Variants in SCAI observed in about 807,000 individuals in gnomAD.
The protein encoded by SCAI is protein SCAI.
In SCAI, 24 loss-of-function variants were observed where a neutral mutation model predicts 92.2. The observed-to-expected ratio is 0.26, with a 90% CI of 0.19 to 0.37. SCAI has a LOEUF of 0.37. Ranked by LOEUF, SCAI falls within the 10% of genes least tolerant of loss-of-function variation. The pLI, the probability that SCAI is intolerant of heterozygous loss-of-function variation, is 1.00. For missense variants in SCAI, 450 were observed against 736.2 expected (o/e 0.61, Z 4.50); for synonymous variants, 261 against 258.6 (o/e 1.01, Z -0.09).
At chr9:125,006,294 T>C (rs1418942146) in intron 9 of SCAI, among the ~76,000 whole-genome samples, 1 of 151,966 alleles carries the variant, frequency 6.6e-6, no homozygotes, top group Non-Finnish European at 1.5e-5. Context: ...GGTGGGAGGA[T>C]CATTTGAGGC....
chr9:124,954,798 G>A (rs568813013), intron 17 of SCAI, among the ~76,000 whole-genome samples: 3 of 152,052 alleles, frequency 2.0e-5, no homozygotes, highest in Non-Finnish European at 4.4e-5. Context: ...GGATAACCAC[G>A]CATGTGCTTC....
chr9:125,019,532 T>A (rs193022893), intron 7 of SCAI, among the ~76,000 whole-genome samples: 1 of 151,982 alleles, frequency 6.6e-6, no homozygotes, highest in South Asian at 2.1e-4. Flanking sequence ...GGATGCAGTA[T>A]CTCATACCTG....
chr9:125,127,405 ATT>A (rs11399082), intron 2 of SCAI, among the ~76,000 whole-genome samples: 13 of 140,784 alleles, frequency 9.2e-5, no homozygotes, highest in South Asian at 2.3e-4. Context: ...CCAGGGCAGA[ATT>A]TTTTTTTTTT....
chr9:125,121,825 A>G (rs2131250019), intron 2 of SCAI, among the ~76,000 whole-genome samples: 1 of 152,308 alleles, frequency 6.6e-6, no homozygotes, highest in Admixed American at 6.5e-5. Context: ...ACTGCACTCC[A>G]GCCTGGGCAA....
chr9:125,097,171 G>A (rs544117108), intron 2 of SCAI, among the ~76,000 whole-genome samples: 3 of 152,244 alleles, frequency 2.0e-5, no homozygotes, highest in Non-Finnish European at 4.4e-5. Context: ...GGTGGCTCAC[G>A]CCTGTAATCC....
chr9:125,029,726 A>G lies in SCAI; in HGVS notation c.244T>C (p.Tyr82His). Residue 82 changes from tyrosine to histidine, a missense_variant, in exon 4 of 18, where the codon TAT becomes CAT. Tyr to His is a moderately conservative substitution (Grantham distance 83). Around this residue, in one of 3 missense-constraint regions of SCAI, gnomAD observed 20 missense variants for 68.2 expected, o/e 0.29. Coordinates refer to ENST00000336505, the MANE Select transcript of SCAI (RefSeq NM_001144877.3). ...LFNGLRDLPQ[Y>H]GQKQWQSYFG... is the part of the protein sequence containing the mutation. ...TAGGACTGCCACTGCTTCTGTCCAT[A>G]TTGTGGCAAATCTCTGTAATAGTAA... 1 of 1,604,734 alleles carries G rather than the reference A, an allele frequency of 6.2e-7. No individual in the cohort carries two copies. The highest frequency in any genetic ancestry group is 8.5e-7 in the Non-Finnish European group (1 of 1,172,858).
At chr9:125,063,039 T>A (rs1337537805) in intron 2 of SCAI, among the ~76,000 whole-genome samples, 121 of 93,466 alleles carry the variant, frequency 1.3e-3, no homozygotes, top group Middle Eastern at 8.6e-3. Flanking sequence ...AAAAAAAAAA[T>A]GTAAAACACT....
chr9:125,022,775 ATCTTTG>A (rs1337873952), intron 6 of SCAI, among the ~76,000 whole-genome samples: 9 of 152,104 alleles, frequency 5.9e-5, no homozygotes, highest in African/African-American at 1.4e-4. Context: ...CATACTGATA[ATCTTTG>A]TCTTTAACAG....
chr9:125,131,111 A>T (rs972619196), intron 2 of SCAI, among the ~76,000 whole-genome samples: 4 of 151,856 alleles, frequency 2.6e-5, no homozygotes, highest in East Asian at 1.9e-4. Context: ...ATATTTTTTT[A>T]AAAAATTATT....
chr9:125,123,130 G>A (rs1348010193), intron 2 of SCAI, among the ~76,000 whole-genome samples: 1 of 152,148 alleles, frequency 6.6e-6, no homozygotes, highest in East Asian at 1.9e-4. Context: ...GGGAGGCCAA[G>A]GTAGGCAGAT....
rs557696785 is a variant in SCAI, at chr9:124,950,639, A to G, written c.*2168T>C. ...TGAAGTTTATTAAGATACTGAAAAA[A>G]AAGGAAAGCAGTCTTTACCTGAAAA... is the stretch of plus-strand genomic sequence containing the variant. On this transcript the variant is annotated 3_prime_UTR_variant, in exon 18 of 18. Transcript: ENST00000336505. 4 of 152,348 alleles carry G rather than the reference A, an allele frequency of 2.6e-5. No homozygotes were observed. Among genetic ancestry groups the G allele is most frequent in the African/African-American group, 9.6e-5 (4 of 41,586 alleles). 9.4% of individuals were successfully genotyped at this position (152,348 alleles called of 1,614,324 possible). A position where few individuals can be genotyped will look rare whatever the true frequency, so the allele number is the denominator to read the frequency against.
chr9:125,099,618 A>C (rs1056841786), intron 2 of SCAI, among the ~76,000 whole-genome samples: 2 of 152,234 alleles, frequency 1.3e-5, no homozygotes, highest in African/African-American at 4.8e-5. Flanking sequence ...TAAGCAAAAC[A>C]TAAGAATTAT....
At chr9:125,030,922 T>C (rs906103139) in intron 3 of SCAI, among the ~76,000 whole-genome samples, 1 of 152,158 alleles carries the variant, frequency 6.6e-6, no homozygotes, top group Non-Finnish European at 1.5e-5. Flanking sequence ...ATACAACAAT[T>C]ACTAATGCAT....
intron 15 of SCAI, among the ~76,000 whole-genome samples, chr9:124,972,522 C>T (rs1378450741): frequency 6.6e-6 from 1 of 152,142 alleles, no homozygotes; most frequent in African/African-American, 2.4e-5. Context: ...ACTAATTTCA[C>T]CTGTTTCTTT....
At chr9:125,040,889 C>A (rs1312722496) in intron 3 of SCAI, among the ~76,000 whole-genome samples, 1 of 152,056 alleles carries the variant, frequency 6.6e-6, no homozygotes, top group Non-Finnish European at 1.5e-5. Flanking sequence ...CCGTCTTGGC[C>A]TCTCAAAGTG....
chr9:125,017,751 G>A (rs1832790057), intron 9 of SCAI, among the ~76,000 whole-genome samples: 1 of 152,104 alleles, frequency 6.6e-6, no homozygotes, highest in Non-Finnish European at 1.5e-5. Context: ...GCTCACACCT[G>A]TAATCCCAAC....
intron 2 of SCAI, among the ~76,000 whole-genome samples, chr9:125,064,053 A>T (rs1286401376): frequency 2.6e-5 from 4 of 151,966 alleles, no homozygotes; most frequent in African/African-American, 9.7e-5. Context: ...GCGCCCAGCC[A>T]ATTCAATATA....
At chr9:125,042,634 T>TACACACACACACACAC (rs1554783862) in intron 3 of SCAI, among the ~76,000 whole-genome samples, 2 of 96,192 alleles carry the variant, frequency 2.1e-5, no homozygotes, top group African/African-American at 7.8e-5. Context: ...TGTGTGTGTG[T>TACACACACACACACAC]ACACACACAC....
intron 5 of SCAI, among the ~76,000 whole-genome samples, chr9:125,027,770 T>C (rs906772480): frequency 3.9e-5 from 6 of 152,160 alleles, no homozygotes; most frequent in Non-Finnish European, 8.8e-5. Flanking sequence ...TGCCTTGGCC[T>C]CCCAAAGTCC....
Sources: allele counts gnomAD v4.1 joint callset (sites outside exome capture counted in the v4.1 genomes callset), GRCh38; gene constraint gnomAD v4.1.1; regional missense constraint gnomAD v4.1.1; transcripts MANE v1.5; gene names NCBI Gene and HGNC (gene_info 2026-07-23, HGNC 2026-07-21).